Variants in SEMA5A observed in about 807,000 individuals in gnomAD.
The protein encoded by SEMA5A is semaphorin-5A.
A neutral mutation model predicts 135.5 loss-of-function variants in SEMA5A; 55 were observed. The ratio of observed to expected loss-of-function variants is 0.41; its 90% CI spans 0.33 to 0.51. SEMA5A has a LOEUF of 0.51. Ranked by LOEUF, SEMA5A falls within the 20% of genes least tolerant of loss-of-function variation. The pLI is 0.37. For missense variants in SEMA5A, 1,290 were observed against 1,419.9 expected, an observed-to-expected ratio of 0.91 and a Z score of 1.47; for synonymous variants, 580 against 546.5, an observed-to-expected ratio of 1.06 and a Z score of -0.85.
At chr5:9,281,286 T>C (rs1369744035) in intron 5 of SEMA5A, among the ~76,000 whole-genome samples, 1 of 152,336 alleles carries the variant, frequency 6.6e-6, no homozygotes, top group East Asian at 1.9e-4. Flanking sequence ...AAATACCTAA[T>C]TCAATCCAGC....
intron 5 of SEMA5A, among the ~76,000 whole-genome samples, chr5:9,284,471 G>A (rs767676938): frequency 7.2e-5 from 11 of 152,178 alleles, no homozygotes; most frequent in Non-Finnish European, 1.3e-4. Context: ...GAAGGCAACC[G>A]TTTGGGAGTT....
At chr5:9,050,513 C>G in intron 20 of SEMA5A, 56 bp from the exon 21 acceptor site, 1 of 1,414,610 alleles carries the variant, frequency 7.1e-7, no homozygotes, top group Non-Finnish European at 9.8e-7. Flanking sequence ...AGACAGTCCA[C>G]ATTCATGCTT....
chr5:9,147,756 CA>C (rs1484492890), intron 12 of SEMA5A, among the ~76,000 whole-genome samples: 6 of 149,918 alleles, frequency 4.0e-5, no homozygotes, highest in Non-Finnish European at 5.9e-5. Flanking sequence ...ACCTAAGGCC[CA>C]AAGGCTTTCA....
At chr5:9,400,528 A>G (rs1358833675) in intron 2 of SEMA5A, among the ~76,000 whole-genome samples, 2 of 32,368 alleles carry the variant, frequency 6.2e-5, no homozygotes, top group Admixed American at 4.9e-4. Flanking sequence ...TTTTTTTGAG[A>G]CGGAGTCTCG....
intron 1 of SEMA5A, among the ~76,000 whole-genome samples, chr5:9,482,833 G>T (rs906570820): frequency 1.3e-5 from 2 of 152,220 alleles, no homozygotes; most frequent in South Asian, 4.1e-4. Context: ...CGATTTGTGT[G>T]TATGGGGCTT....
intron 2 of SEMA5A, among the ~76,000 whole-genome samples, chr5:9,409,755 G>A (rs183936361): frequency 2.0e-4 from 30 of 152,304 alleles, no homozygotes; most frequent in African/African-American, 7.0e-4. Context: ...CGTCAGACAC[G>A]AGGCATTAGA....
At chr5:9,053,218 C>T (rs1455350827) in intron 19 of SEMA5A, among the ~76,000 whole-genome samples, 5 of 152,286 alleles carry the variant, frequency 3.3e-5, no homozygotes, top group African/African-American at 9.6e-5. Flanking sequence ...AGGCCCCAAG[C>T]GCCTGCATCA....
chr5:9,165,474 C>T (rs536384410), intron 11 of SEMA5A, among the ~76,000 whole-genome samples: 8 of 152,250 alleles, frequency 5.3e-5, no homozygotes, highest in Admixed American at 1.3e-4. Flanking sequence ...TGTGCTGAAT[C>T]CAATAGAGAA....
intron 2 of SEMA5A, among the ~76,000 whole-genome samples, chr5:9,381,979 TGTGC>T (rs1336128931): frequency 2.8e-4 from 27 of 97,434 alleles, no homozygotes; most frequent in Non-Finnish European, 3.9e-4. Context: ...TGTGTGTGTG[TGTGC>T]GCGCGCGCGC....
intron 11 of SEMA5A, among the ~76,000 whole-genome samples, chr5:9,157,116 T>C (rs1742996496): frequency 6.6e-6 from 1 of 152,212 alleles, no homozygotes; most frequent in South Asian, 2.1e-4. Flanking sequence ...CTGGAGTGTC[T>C]AGTCATGTGA....
intron 2 of SEMA5A, among the ~76,000 whole-genome samples, chr5:9,398,989 T>G (rs745881572): frequency 4.2e-4 from 64 of 152,232 alleles, no homozygotes; most frequent in Non-Finnish European, 7.9e-4. Flanking sequence ...ACGCCACATT[T>G]TTTAACTTTG....
At chr5:9,407,827 C>G (rs920304198) in intron 2 of SEMA5A, among the ~76,000 whole-genome samples, 2 of 152,146 alleles carry the variant, frequency 1.3e-5, no homozygotes, top group African/African-American at 4.8e-5. Flanking sequence ...GCGCAAAAGT[C>G]ACTTTAGGAA....
chr5:9,456,208 A>G (rs1378689205), intron 1 of SEMA5A, among the ~76,000 whole-genome samples: 2 of 152,222 alleles, frequency 1.3e-5, no homozygotes, highest in Non-Finnish European at 2.9e-5. Context: ...GCCACTTGCT[A>G]CACAGCTCGA....
chr5:9,113,466 A>G (rs1340857629), intron 15 of SEMA5A, among the ~76,000 whole-genome samples: 2 of 152,212 alleles, frequency 1.3e-5, no homozygotes, highest in Non-Finnish European at 2.9e-5. Context: ...CCCACCACAC[A>G]CACAAAAAAG....
chr5:9,477,352 A>G (rs994027800), intron 1 of SEMA5A, among the ~76,000 whole-genome samples: 6 of 152,220 alleles, frequency 3.9e-5, no homozygotes, highest in African/African-American at 1.4e-4. Flanking sequence ...TGTACCTAAA[A>G]ATGTGGAAGC....
At chr5:9,175,409 A>G (rs1165250521) in intron 11 of SEMA5A, among the ~76,000 whole-genome samples, 1 of 152,020 alleles carries the variant, frequency 6.6e-6, no homozygotes, top group Non-Finnish European at 1.5e-5. Flanking sequence ...CAGTACAAAG[A>G]AAGGAAAGAA....
intron 1 of SEMA5A, among the ~76,000 whole-genome samples, chr5:9,441,388 G>T (rs1758227103): frequency 6.6e-6 from 1 of 152,114 alleles, no homozygotes; most frequent in South Asian, 2.1e-4. Context: ...ACAAACAGTA[G>T]ATGAGGGAGG....
In SEMA5A at chr5:9,361,245, G is replaced by A. The variant is rs1013703434; in HGVS notation, c.124+18578C>T. Among the ~76,000 whole-genome samples, 7 of 151,570 alleles carry A rather than the reference G, an allele frequency of 4.6e-5. 1 individual carries two copies. The highest frequency in any genetic ancestry group is 3.9e-4 in the Admixed American group (6 of 15,238). The stretch of plus-strand genomic sequence containing the variant: ...ACCCAGGAGGCAGAGGTTGCAGTGA[G>A]GCAAGATCATGCCACTGCACTCCAG... On this transcript the variant is annotated intron_variant, in intron 3 of 22. Coordinates refer to ENST00000382496, the MANE Select transcript of SEMA5A (RefSeq NM_003966.3).
chr5:9,276,881 C>A (rs943325556), intron 5 of SEMA5A, among the ~76,000 whole-genome samples: 4 of 152,162 alleles, frequency 2.6e-5, no homozygotes, highest in African/African-American at 9.7e-5. Flanking sequence ...CTAGGCAATA[C>A]CATGCAGGAC....
Sources: gnomAD v4.1 joint callset for allele counts (sites outside exome capture counted in the v4.1 genomes callset) on GRCh38, gnomAD v4.1.1 for gene constraint, MANE v1.5 for transcripts, NCBI Gene and HGNC (gene_info 2026-07-23, HGNC 2026-07-21) for gene names.